Variants in ADAMTSL1 observed in about 807,000 individuals in gnomAD.
ADAMTSL1 encodes the protein ADAMTS-like protein 1.
In ADAMTSL1, 126 loss-of-function variants were observed where a neutral mutation model predicts 201.8. The ratio of observed to expected loss-of-function variants is 0.62; its 90% confidence interval spans 0.54 to 0.72. ADAMTSL1 has a LOEUF of 0.72. Among genes scored for constraint, ADAMTSL1 ranks in the 30% least tolerant of loss-of-function variants. The probability of loss-of-function intolerance (pLI) is 0.00; values close to 1 mark genes in which losing one functional copy is unlikely to be tolerated. For missense variants in ADAMTSL1, 2,679 were observed against 2,277.8 expected (o/e 1.18, Z -3.59); for synonymous variants, 1,121 against 903.4 (o/e 1.24, Z -4.32).
chr9:18,085,798 C>T (rs1306377397), intron 1 of ADAMTSL1, among the ~76,000 whole-genome samples: 2 of 151,276 alleles, frequency 1.3e-5, no homozygotes, highest in East Asian at 3.9e-4. Context: ...CACACACATG[C>T]ACACACAGTA....
chr9:18,196,372 A>C (rs1202792362), intron 2 of ADAMTSL1, among the ~76,000 whole-genome samples: 1 of 152,068 alleles, frequency 6.6e-6, no homozygotes, highest in African/African-American at 2.4e-5. Flanking sequence ...TGAAAGTTGT[A>C]GTTCTGGAAA....
At chr9:18,907,295 C>T (rs1323434423) in intron 28 of ADAMTSL1, 1 of 229,978 alleles carries the variant, frequency 4.3e-6, no homozygotes, top group Admixed American at 5.5e-5. Context: ...TAAAGGAGCA[C>T]AGAGTGCCTC....
At chr9:18,649,741 C>T (rs899531378) in intron 7 of ADAMTSL1, among the ~76,000 whole-genome samples, 1 of 152,086 alleles carries the variant, frequency 6.6e-6, no homozygotes, top group African/African-American at 2.4e-5. Flanking sequence ...CTGATCGTTC[C>T]TCTGGAAGTT....
At chr9:18,130,384 A>G (rs564167244) in intron 1 of ADAMTSL1, among the ~76,000 whole-genome samples, 1 of 152,170 alleles carries the variant, frequency 6.6e-6, no homozygotes, top group African/African-American at 2.4e-5. Flanking sequence ...CTATGACTAC[A>G]TTCTCATTTC....
chr9:18,564,168 T>A (rs1174639929), intron 3 of ADAMTSL1, among the ~76,000 whole-genome samples: 1 of 152,224 alleles, frequency 6.6e-6, no homozygotes, highest in African/African-American at 2.4e-5. Flanking sequence ...TATCCTGGTC[T>A]GCGCATTGCA....
chr9:18,669,855 A>T lies in ADAMTSL1; in HGVS notation c.1086-6002A>T, dbSNP rs115469798. On this transcript the variant is annotated intron_variant, in intron 9 of 28. Transcript: ENST00000380548. ...GTACTTAGTTTTTGCGGATGGCCAA[A>T]CCTTGATGTAAGGTATTCAAGGTTA... 3.2e-3 allele frequency among the ~76,000 whole-genome samples: 486 copies of T among 152,192 alleles called. 3 individuals carry two copies. Among genetic ancestry groups the T allele is most frequent in the African/African-American group, 0.011 (475 of 41,498 alleles).
rs997386231 is a variant in ADAMTSL1, at chr9:18,178,151, G to A, written c.207+14170G>A. ...CACTAAGGAGTGCCAGACAGTGGGCGCAGGTCAGTGGGTGAGCGCACTGTG... is the reference window on the plus strand; with the variant it reads ...CACTAAGGAGTGCCAGACAGTGGGCACAGGTCAGTGGGTGAGCGCACTGTG... On this transcript the variant is annotated intron_variant, in intron 2 of 29. Coordinates refer to the ADAMTSL1 transcript ENST00000680146. Among the ~76,000 whole-genome samples the A allele has an allele frequency of 7.2e-5, 11 of 152,306 alleles. No individual in the cohort carries two copies. The East Asian group carries it at 7.7e-4, about 11-fold the overall frequency.
chr9:18,067,153 T>G lies in ADAMTSL1; in HGVS notation c.88-96709T>G, dbSNP rs145190528. 1.3e-3 allele frequency among the ~76,000 whole-genome samples: 194 copies of G among 152,222 alleles called. 1 individual carries two copies. Among genetic ancestry groups the G allele is most frequent in the African/African-American group, 4.3e-3 (179 of 41,540 alleles). ...AAAGTATAATAAAAAAAAATGCAAG[T>G]GGTTAAGGGTTAGCCTGACTCTTTA... On this transcript the variant is annotated intron_variant, in intron 1 of 29. Transcript: ENST00000680146.
chr9:18,063,913 C>A (rs1822577366), intron 1 of ADAMTSL1, among the ~76,000 whole-genome samples: 1 of 152,118 alleles, frequency 6.6e-6, no homozygotes, highest in Admixed American at 6.5e-5. Context: ...TGCACCAGAG[C>A]CAGCTTCCAA....
chr9:18,314,979 G>C (rs1204452673), intron 2 of ADAMTSL1, among the ~76,000 whole-genome samples: 1 of 150,684 alleles, frequency 6.6e-6, no homozygotes, highest in Non-Finnish European at 1.5e-5. Flanking sequence ...TGTATTTTTA[G>C]TAGAGACGGG....
intron 1 of ADAMTSL1, among the ~76,000 whole-genome samples, chr9:18,481,217 AT>A (rs1293639980): frequency 2.0e-5 from 3 of 152,044 alleles, no homozygotes; most frequent in Non-Finnish European, 4.4e-5. Flanking sequence ...TCTTTAACAC[AT>A]TTTTCTTGGA....
intron 6 of ADAMTSL1, 136 bp from the exon 7 acceptor site, chr9:18,639,118 C>G (rs919933540): frequency 9.1e-6 from 7 of 772,950 alleles, no homozygotes; most frequent in Non-Finnish European, 1.5e-5. Context: ...GTTGATATCA[C>G]AATTTCAATT....
chr9:18,320,853 C>T (rs990558008), intron 2 of ADAMTSL1, among the ~76,000 whole-genome samples: 30 of 151,612 alleles, frequency 2.0e-4, no homozygotes, highest in African/African-American at 5.8e-4. Flanking sequence ...ACAGTTAAGC[C>T]GTTAGAAAAA....
At position 18,397,557 on chromosome 9, in the gene ADAMTSL1, C is replaced by T. The variant is rs115806330; in HGVS notation, c.208-107272C>T. 2.3e-3 allele frequency among the ~76,000 whole-genome samples: 357 copies of T among 152,214 alleles called. 2 individuals carry two copies. Among genetic ancestry groups the T allele is most frequent in the African/African-American group, 7.9e-3 (330 of 41,550 alleles). ...GACAGCAAGAAAATGTATTTCTCAA[C>T]ATCGGTACTGGTGGAGGAAAGAAAA... On this transcript the variant is annotated intron_variant, in intron 2 of 29. Transcript: ENST00000680146.
At chr9:17,972,225 C>T in intron 1 of ADAMTSL1, among the ~76,000 whole-genome samples, 1 of 140,818 alleles carries the variant, frequency 7.1e-6, no homozygotes, top group Non-Finnish European at 1.5e-5. Flanking sequence ...AGGTTTGTTA[C>T]CTATGCATAC....
rs1279448776 is a variant in ADAMTSL1, at chr9:18,246,158, G to T, written c.207+82177G>T. Among the ~76,000 whole-genome samples, 4 of 152,070 alleles carry T rather than the reference G, an allele frequency of 2.6e-5. No homozygotes were observed. The South Asian group carries it at 8.3e-4, about 32-fold the overall frequency. ...TAACCGTGTCATCCTCGAGCCATCT[G>T]GTGTATATTTAGAGTAATGTAATTT... is the stretch of plus-strand genomic sequence containing the variant. On this transcript the variant is annotated intron_variant, in intron 2 of 29. Transcript: ENST00000680146.
At chr9:17,977,106 G>C (rs1342640937) in intron 1 of ADAMTSL1, among the ~76,000 whole-genome samples, 2 of 151,920 alleles carry the variant, frequency 1.3e-5, no homozygotes, top group Non-Finnish European at 2.9e-5. Flanking sequence ...CTTTCATTCT[G>C]TTAATGGGGT....
intron 15 of ADAMTSL1, among the ~76,000 whole-genome samples, chr9:18,725,236 T>C (rs1817805442): frequency 6.6e-6 from 1 of 152,182 alleles, no homozygotes; most frequent in South Asian, 2.1e-4. Context: ...ATCATGTATG[T>C]ATGGCAAAGT....
At chr9:18,226,152 G>T (rs1464129892) in intron 2 of ADAMTSL1, among the ~76,000 whole-genome samples, 1 of 152,066 alleles carries the variant, frequency 6.6e-6, no homozygotes, top group African/African-American at 2.4e-5. Flanking sequence ...ATTTTTTGAG[G>T]TAATGTAATT....
Sources: allele counts gnomAD v4.1 joint callset (sites outside exome capture counted in the v4.1 genomes callset), GRCh38; gene constraint gnomAD v4.1.1; transcripts MANE v1.5; gene names NCBI Gene and HGNC (gene_info 2026-07-23, HGNC 2026-07-21).